Variants in PKNOX2 observed in about 807,000 individuals in gnomAD.
The protein encoded by PKNOX2 is homeobox protein PKNOX2.
PKNOX2 carries 14 observed loss-of-function variants against 53.1 expected under a neutral mutation model. The observed-to-expected ratio is 0.26, with a 90% CI of 0.17 to 0.41. The LOEUF (loss-of-function observed/expected upper bound fraction) is 0.41, where lower values mean the gene tolerates loss of function less well. Ranked by LOEUF, PKNOX2 falls within the 10% of genes least tolerant of loss-of-function variation. PKNOX2 has a pLI of 1.00. For missense variants in PKNOX2, 496 were observed against 602.8 expected (o/e 0.82, Z 1.85); for synonymous variants, 257 against 242.8 (o/e 1.06, Z -0.54).
intron 1 of PKNOX2, among the ~76,000 whole-genome samples, chr11:125,207,534 G>A (rs905869046): frequency 7.9e-5 from 12 of 152,096 alleles, no homozygotes; most frequent in African/African-American, 2.9e-4. Flanking sequence ...AGGAGAGTTA[G>A]GAGGAGAATC....
chr11:125,218,210 T>G (rs1177137321), intron 1 of PKNOX2, among the ~76,000 whole-genome samples: 1 of 152,072 alleles, frequency 6.6e-6, no homozygotes, highest in Non-Finnish European at 1.5e-5. Context: ...CGTTCAGGTT[T>G]GCAAATGCCA....
At chr11:125,167,969 G>C (rs1420345015) in intron 1 of PKNOX2, among the ~76,000 whole-genome samples, 1 of 152,190 alleles carries the variant, frequency 6.6e-6, no homozygotes, top group Non-Finnish European at 1.5e-5. Flanking sequence ...TTGCCTTTGG[G>C]CTTTCACTGA....
intron 1 of PKNOX2, among the ~76,000 whole-genome samples, chr11:125,225,887 G>A (rs1230891330): frequency 6.6e-6 from 1 of 152,170 alleles, no homozygotes; most frequent in Non-Finnish European, 1.5e-5. Context: ...CTCTGAGCTA[G>A]ACCCTTCTCC....
At chr11:125,389,923 C>A (rs190494235) in intron 6 of PKNOX2, among the ~76,000 whole-genome samples, 1 of 152,162 alleles carries the variant, frequency 6.6e-6, no homozygotes, top group Non-Finnish European at 1.5e-5. Context: ...GGCCCCTGGG[C>A]CCACTCTGAA....
intron 2 of PKNOX2, among the ~76,000 whole-genome samples, chr11:125,303,345 T>G (rs1270389451): frequency 6.6e-6 from 1 of 152,190 alleles, no homozygotes; most frequent in African/African-American, 2.4e-5. Flanking sequence ...CTGAGGAATG[T>G]GCCTGGGGCC....
chr11:125,367,939 A>G lies in PKNOX2; in HGVS notation c.181A>G (p.Ile61Val). The G allele has an allele frequency of 1.5e-5, 25 of 1,613,270 alleles. No individual in the cohort carries two copies. Among genetic ancestry groups the G allele is most frequent in the Non-Finnish European group, 2.1e-5 (25 of 1,179,652 alleles). The change falls in exon 5 of 13, where the codon ATC (isoleucine) becomes GTC (valine). Residue 61 changes from isoleucine to valine, a missense_variant. Ile to Val is a conservative substitution (Grantham distance 29). Coordinates refer to ENST00000298282, the MANE Select transcript of PKNOX2 (RefSeq NM_001382323.2). Reference sequence around the variant, plus strand: ...CAGCACACCTGTGCCCAGTGCCCCCATCGACCCCCAGGCCCAGCTGGAGGC... The same window carrying G: ...CAGCACACCTGTGCCCAGTGCCCCCGTCGACCCCCAGGCCCAGCTGGAGGC... ...AASTPVPSAP[I>V]DPQAQLEADK...
At chr11:125,232,573 C>T (rs1424890824) in intron 1 of PKNOX2, among the ~76,000 whole-genome samples, 2 of 152,214 alleles carry the variant, frequency 1.3e-5, no homozygotes, top group East Asian at 3.8e-4. Flanking sequence ...AGACTTCTAA[C>T]CCACAATTTA....
intron 1 of PKNOX2, among the ~76,000 whole-genome samples, chr11:125,220,383 T>A (rs4935912): frequency 6.6e-6 from 1 of 152,100 alleles, no homozygotes; most frequent in African/African-American, 2.4e-5. Context: ...TTCCAACCCC[T>A]GAGCTCCGAA....
chr11:125,391,415 T>C (rs1323587974), intron 6 of PKNOX2, among the ~76,000 whole-genome samples: 3 of 152,162 alleles, frequency 2.0e-5, no homozygotes, highest in Non-Finnish European at 4.4e-5. Context: ...CATTTGATGG[T>C]GGAGGGAGGA....
intron 7 of PKNOX2, among the ~76,000 whole-genome samples, chr11:125,407,924 T>C (rs1955215096): frequency 6.6e-5 from 10 of 152,168 alleles, no homozygotes; most frequent in Admixed American, 6.5e-4. Flanking sequence ...TCACATGCAC[T>C]GTATACATAA....
intron 2 of PKNOX2, among the ~76,000 whole-genome samples, chr11:125,297,377 A>G (rs1458990478): frequency 6.6e-6 from 1 of 152,224 alleles, no homozygotes; most frequent in African/African-American, 2.4e-5. Context: ...TCTACAATTG[A>G]ATAGAAAATA....
chr11:125,346,524 TTAGATCATGGGAACTGAGAACTGAG>T (rs1304817109), intron 3 of PKNOX2, among the ~76,000 whole-genome samples: 1 of 152,174 alleles, frequency 6.6e-6, no homozygotes, highest in Non-Finnish European at 1.5e-5. Context: ...AAGGCCAGGC[TTAGATCATGGGAACTGAGAACTGAG>T]GGGTGGCCCT....
chr11:125,277,098 G>A (rs1268238380), intron 2 of PKNOX2, among the ~76,000 whole-genome samples: 1 of 152,188 alleles, frequency 6.6e-6, no homozygotes, highest in African/African-American at 2.4e-5. Context: ...AAGTAGGGGT[G>A]TCAGAGTAAG....
intron 10 of PKNOX2, among the ~76,000 whole-genome samples, chr11:125,413,034 TC>T (rs796329215): frequency 3.3e-5 from 5 of 152,206 alleles, no homozygotes; most frequent in African/African-American, 9.6e-5. Context: ...AAGGATTACC[TC>T]CTAGAAAGAG....
intron 2 of PKNOX2, among the ~76,000 whole-genome samples, chr11:125,276,246 G>C (rs1485531880): frequency 3.3e-5 from 5 of 152,200 alleles, no homozygotes. Context: ...AGGTTGAGGA[G>C]AGAATGGAAG....
rs148082658 is a variant in PKNOX2, at chr11:125,236,439, T to C, written c.-130+1324T>C. On this transcript the variant is annotated intron_variant, in intron 2 of 12. Coordinates refer to ENST00000298282, the MANE Select transcript of PKNOX2 (RefSeq NM_001382323.2). ...AGATAATGACCTTTGTGAGAATCGA[T>C]GTCTCCTCCTCGCATCGGAGGTTAG... Among the ~76,000 whole-genome samples the C allele has an allele frequency of 1.4e-3, 211 of 151,922 alleles. 2 individuals carry two copies. The highest frequency in any genetic ancestry group is 4.1e-3 in the African/African-American group (169 of 41,362).
chr11:125,383,104 C>CT (rs1953366051), intron 5 of PKNOX2, among the ~76,000 whole-genome samples: 1 of 152,186 alleles, frequency 6.6e-6, no homozygotes, highest in Non-Finnish European at 1.5e-5. Context: ...ACCCCTGAGT[C>CT]TGAGTAGAAA....
At chr11:125,341,928 A>C (rs1192057136) in intron 3 of PKNOX2, among the ~76,000 whole-genome samples, 1 of 152,048 alleles carries the variant, frequency 6.6e-6, no homozygotes, top group Non-Finnish European at 1.5e-5. Context: ...CCTCCTTCCA[A>C]GGGGGTGGTG....
intron 3 of PKNOX2, among the ~76,000 whole-genome samples, chr11:125,334,358 G>A (rs924712671): frequency 6.6e-6 from 1 of 152,184 alleles, no homozygotes; most frequent in African/African-American, 2.4e-5. Context: ...CATGGATTGG[G>A]TAAAGGAGCT....
Sources: allele counts gnomAD v4.1 joint callset (sites outside exome capture counted in the v4.1 genomes callset), GRCh38; gene constraint gnomAD v4.1.1; transcripts MANE v1.5; gene names NCBI Gene and HGNC (gene_info 2026-07-23, HGNC 2026-07-21).